ERBB4: variants seen among roughly 807,000 people sequenced by gnomAD.
ERBB4 encodes erb-b2 receptor tyrosine kinase 4.
In ERBB4, 42 loss-of-function variants were observed where a neutral mutation model predicts 158.0. That is an observed-to-expected ratio of 0.27 (90% confidence interval 0.21 to 0.34). The LOEUF (loss-of-function observed/expected upper bound fraction) is 0.34. Ranked by LOEUF, ERBB4 falls within the 10% of genes least tolerant of loss-of-function variation. ERBB4 has a pLI of 1.00. For synonymous variants in ERBB4, 583 were observed against 558.7 expected (o/e 1.04, Z -0.61); for missense variants, 1,333 against 1,624.1 (o/e 0.82, Z 3.08).
chr2:212,372,142 C>A (rs1206492945), intron 1 of ERBB4, among the ~76,000 whole-genome samples: 1 of 151,988 alleles, frequency 6.6e-6, no homozygotes, highest in Non-Finnish European at 1.5e-5. Context: ...AATCTCGTAG[C>A]CCCCTTTTCC....
chr2:212,187,416 TATA>T lies in ERBB4; in HGVS notation c.83-62516_83-62514del, dbSNP rs763177078. Among the ~76,000 whole-genome samples, 443 of 106,198 alleles carry T rather than the reference TATA, an allele frequency of 4.2e-3. 2 individuals carry two copies. The highest frequency in any genetic ancestry group is 8.5e-3 in the African/African-American group (276 of 32,536). The allele number at this position is 106,198 out of a possible 152,430, so 69.7% of individuals were successfully genotyped here. ...TGCACATGTACCCTAAAACTTAAAG[TATA>T]ATAATAAATAAATAAATAAATAAAT... On this transcript the variant is annotated intron_variant, in intron 1 of 27. Transcript: ENST00000342788.
At chr2:211,985,157 A>G (rs1464855879) in intron 2 of ERBB4, among the ~76,000 whole-genome samples, 1 of 152,186 alleles carries the variant, frequency 6.6e-6, no homozygotes, top group East Asian at 1.9e-4. Context: ...CCACTGTCGG[A>G]AACCTATTTA....
intron 21 of ERBB4, among the ~76,000 whole-genome samples, chr2:211,430,571 G>A (rs1028377238): frequency 3.3e-5 from 5 of 151,966 alleles, no homozygotes; most frequent in African/African-American, 1.2e-4. Flanking sequence ...TTAGTGCTAC[G>A]GTCTTTAGAT....
intron 25 of ERBB4, among the ~76,000 whole-genome samples, chr2:211,402,077 C>A (rs988370155): frequency 1.3e-5 from 2 of 151,814 alleles, no homozygotes; most frequent in Non-Finnish European, 2.9e-5. Context: ...GAAGAGAATG[C>A]TTATCTTTCT....
At chr2:212,240,679 G>GA (rs1199558046) in intron 1 of ERBB4, among the ~76,000 whole-genome samples, 4 of 83,774 alleles carry the variant, frequency 4.8e-5, no homozygotes, top group Non-Finnish European at 1.0e-4. Flanking sequence ...AGAAAAAAAA[G>GA]AAAAAAGGAC....
At chr2:212,227,236 C>T (rs2083502045) in intron 1 of ERBB4, among the ~76,000 whole-genome samples, 1 of 96,776 alleles carries the variant, frequency 1.0e-5, no homozygotes. Flanking sequence ...CAGAATGAGA[C>T]TCCACCTCAA....
intron 2 of ERBB4, among the ~76,000 whole-genome samples, chr2:212,118,142 C>T (rs2079625726): frequency 6.6e-6 from 1 of 152,128 alleles, no homozygotes; most frequent in Admixed American, 6.6e-5. Context: ...TGGTCATGTG[C>T]TTCTAATTGC....
intron 1 of ERBB4, among the ~76,000 whole-genome samples, chr2:212,275,911 G>A (rs1006302319): frequency 6.6e-6 from 1 of 151,812 alleles, no homozygotes; most frequent in African/African-American, 2.4e-5. Context: ...AGACCCATCG[G>A]TGTGCTGTAC....
At chr2:212,479,885 C>G (rs2106154988) in intron 1 of ERBB4, among the ~76,000 whole-genome samples, 1 of 152,244 alleles carries the variant, frequency 6.6e-6, no homozygotes, top group Middle Eastern at 3.4e-3. Flanking sequence ...ATGATGATTG[C>G]TGCCTAATGG....
chr2:212,442,119 T>C (rs1205035091), intron 1 of ERBB4, among the ~76,000 whole-genome samples: 2 of 152,214 alleles, frequency 1.3e-5, no homozygotes, highest in Non-Finnish European at 2.9e-5. Context: ...AAGAATAGTC[T>C]GACTCGTGTA....
At chr2:211,741,161 T>C (rs2074783292) in intron 5 of ERBB4, among the ~76,000 whole-genome samples, 1 of 152,152 alleles carries the variant, frequency 6.6e-6, no homozygotes, top group Non-Finnish European at 1.5e-5. Context: ...TGAAATTTTC[T>C]CTTTGATAGT....
At chr2:211,700,884 G>C (rs1203186868) in intron 12 of ERBB4, among the ~76,000 whole-genome samples, 1 of 152,258 alleles carries the variant, frequency 6.6e-6, no homozygotes, top group Non-Finnish European at 1.5e-5. Context: ...TTTGCAAACA[G>C]TTCATTTGAG....
intron 1 of ERBB4, among the ~76,000 whole-genome samples, chr2:212,431,996 A>G (rs569755299): frequency 6.6e-6 from 1 of 152,320 alleles, no homozygotes; most frequent in South Asian, 2.1e-4. Flanking sequence ...TATAATCTCT[A>G]CCAAATCAAG....
chr2:212,101,582 A>T (rs986255225), intron 2 of ERBB4, among the ~76,000 whole-genome samples: 1 of 151,896 alleles, frequency 6.6e-6, no homozygotes, highest in African/African-American at 2.4e-5. Context: ...CAGAGCAGTA[A>T]GAATTAAAAT....
At chr2:211,550,130 T>C (rs183438573) in intron 20 of ERBB4, among the ~76,000 whole-genome samples, 1 of 152,186 alleles carries the variant, frequency 6.6e-6, no homozygotes, top group African/African-American at 2.4e-5. Flanking sequence ...AATAAACGTA[T>C]CCTTCACCTC....
At chr2:212,306,994 C>A (rs2086834280) in intron 1 of ERBB4, among the ~76,000 whole-genome samples, 1 of 151,142 alleles carries the variant, frequency 6.6e-6, no homozygotes, top group African/African-American at 2.4e-5. Flanking sequence ...CTTCCAAAAA[C>A]CATTTGAGAG....
At chr2:211,567,645 C>A (rs1204145680) in intron 19 of ERBB4, among the ~76,000 whole-genome samples, 1 of 151,930 alleles carries the variant, frequency 6.6e-6, no homozygotes, top group Non-Finnish European at 1.5e-5. Context: ...TTAGTAAGTC[C>A]TGGCAAAAAA....
intron 19 of ERBB4, among the ~76,000 whole-genome samples, chr2:211,568,044 C>A (rs2125737120): frequency 6.6e-6 from 1 of 152,098 alleles, no homozygotes; most frequent in East Asian, 1.9e-4. Context: ...GAAAATGTCG[C>A]TGAAGACCAT....
In ERBB4 at chr2:211,702,027, G is replaced by A; in HGVS notation, c.1429C>T (p.Leu477Phe). ...ATTCTCTGGTTGATTGTGCTGAAGA[G>A]TGTTGTCCAGTTAATGGTATGATAA... The part of the protein sequence containing the change: ...CYYHTINWTT[L>F]FSTINQRIVI... The change falls in exon 12 of 28, where the codon CTC (leucine) becomes TTC (phenylalanine). Residue 477 changes from leucine (L) to phenylalanine (F), a missense_variant. Transcript: ENST00000342788. The A allele has an allele frequency of 6.2e-7, 1 of 1,613,972 alleles. No individual in the cohort carries two copies. The highest frequency in any genetic ancestry group is 8.5e-7 in the Non-Finnish European group (1 of 1,179,890).
Sources: gnomAD v4.1 joint callset for allele counts (sites outside exome capture counted in the v4.1 genomes callset) on GRCh38, gnomAD v4.1.1 for gene constraint, MANE v1.5 for transcripts, NCBI Gene and HGNC (gene_info 2026-07-23, HGNC 2026-07-21) for gene names.